DUSP29: variants seen among roughly 807,000 people sequenced by gnomAD.
DUSP29 encodes atypical dual-specific protein phosphatase.
Under a neutral mutation model 13.5 loss-of-function variants are expected in DUSP29, and 12 were observed. The observed-to-expected ratio is 0.89, with a 90% confidence interval of 0.57 to 1.44. DUSP29 has a LOEUF of 1.44. Ranked by LOEUF, DUSP29 falls within the 40% of genes most tolerant of loss-of-function variation. The pLI is 0.00. For missense variants in DUSP29, 308 were observed against 301.1 expected, an observed-to-expected ratio of 1.02 and a Z score of -0.17; for synonymous variants, 134 against 128.7, an observed-to-expected ratio of 1.04 and a Z score of -0.28.
chr10:75,065,875 C>T (rs11001275), intron 1 of DUSP29, among the ~76,000 whole-genome samples: 21,400 of 151,448 alleles, frequency 0.14, 2,253 homozygotes, highest in African/African-American at 0.28. Context: ...TTATTATTAT[C>T]ATTTATTTTA....
chr10:75,064,376 C>CGG, intron 1 of DUSP29, among the ~76,000 whole-genome samples: 1 of 152,072 alleles, frequency 6.6e-6, no homozygotes, highest in Admixed American at 6.6e-5. Context: ...GGTGTGGTGG[C>CGG]GCATGCCTGT....
intron 3 of DUSP29, among the ~76,000 whole-genome samples, chr10:75,039,518 G>A (rs1160539473): frequency 1.3e-5 from 2 of 152,046 alleles, no homozygotes; most frequent in Non-Finnish European, 2.9e-5. Context: ...TGCATCTCAA[G>A]AAAAGGAAAC....
At chr10:75,052,868 C>T (rs1846873916) in intron 2 of DUSP29, among the ~76,000 whole-genome samples, 1 of 152,234 alleles carries the variant, frequency 6.6e-6, no homozygotes, top group African/African-American at 2.4e-5. Context: ...TCTGGCTGCG[C>T]TAGTTATACT....
At chr10:75,060,618 G>A (rs1339998254) in intron 1 of DUSP29, among the ~76,000 whole-genome samples, 7 of 152,074 alleles carry the variant, frequency 4.6e-5, no homozygotes, top group South Asian at 4.1e-4. Context: ...GGGTTGATAC[G>A]GGAAATGTTC....
At chr10:75,046,752 T>A (rs778550075) in intron 2 of DUSP29, among the ~76,000 whole-genome samples, 1 of 152,230 alleles carries the variant, frequency 6.6e-6, no homozygotes, top group African/African-American at 2.4e-5. Context: ...TTTTTCGTCT[T>A]GCCCCAAAGT....
At chr10:75,070,383 C>T (rs576840907) in intron 1 of DUSP29, among the ~76,000 whole-genome samples, 19 of 152,292 alleles carry the variant, frequency 1.2e-4, no homozygotes, top group African/African-American at 4.6e-4. Context: ...TAGAGTGGAG[C>T]ACACAGTCAT....
intron 2 of DUSP29, among the ~76,000 whole-genome samples, chr10:75,055,462 A>T (rs1434058613): frequency 6.7e-6 from 1 of 149,496 alleles, no homozygotes; most frequent in Non-Finnish European, 1.5e-5. Flanking sequence ...GAACCTGGAA[A>T]ACATTATACA....
chr10:75,043,963 C>T lies in DUSP29; in HGVS notation c.255G>A (p.Leu85=). Reference sequence around the variant, plus strand: ...CGTTCCAGCGGCCGTGGGCCGCGTTCAGCACGTGCGTGAACCCCGCCTTCT... The same window carrying T: ...CGTTCCAGCGGCCGTGGGCCGCGTTTAGCACGTGCGTGAACCCCGCCTTCT... ...RLQKAGFTHV[L]NAAHGRWNVD... Residue 85 remains leucine, a synonymous_variant, in exon 3 of 4, where the codon CTG becomes CTA. Coordinates refer to ENST00000338487, the MANE Select transcript of DUSP29 (RefSeq NM_001003892.3). 1.2e-6 allele frequency: 2 copies of T among 1,613,332 alleles called. No homozygotes were observed. The highest frequency in any genetic ancestry group is 1.7e-6 in the Non-Finnish European group (2 of 1,179,930).
At chr10:75,038,623 A>G (rs118073369) in intron 3 of DUSP29, among the ~76,000 whole-genome samples, 3,361 of 151,304 alleles carry the variant, frequency 0.022, 57 homozygotes, top group Non-Finnish European at 0.034. Flanking sequence ...TACTTGAAAC[A>G]GATGAAAGCT....
At chr10:75,053,440 T>C (rs1589862671) in intron 2 of DUSP29, among the ~76,000 whole-genome samples, 1 of 152,268 alleles carries the variant, frequency 6.6e-6, no homozygotes, top group African/African-American at 2.4e-5. Context: ...CAGATACTAC[T>C]CTAGCATTTG....
intron 2 of DUSP29, among the ~76,000 whole-genome samples, chr10:75,045,106 C>T (rs1289460417): frequency 6.6e-6 from 1 of 152,240 alleles, no homozygotes; most frequent in Non-Finnish European, 1.5e-5. Flanking sequence ...CCTATAATCC[C>T]AGCACTTTCG....
At chr10:75,050,799 A>G (rs1836652724) in intron 2 of DUSP29, among the ~76,000 whole-genome samples, 1 of 152,220 alleles carries the variant, frequency 6.6e-6, no homozygotes, top group South Asian at 2.1e-4. Flanking sequence ...CCCGAACCCC[A>G]GGAATATCTG....
At chr10:75,052,474 T>A (rs1846857123) in intron 2 of DUSP29, among the ~76,000 whole-genome samples, 1 of 151,692 alleles carries the variant, frequency 6.6e-6, no homozygotes, top group Non-Finnish European at 1.5e-5. Context: ...GCCAGGCTAA[T>A]TTTTTTGTAT....
At chr10:75,052,925 A>G (rs933563381) in intron 2 of DUSP29, among the ~76,000 whole-genome samples, 4 of 152,216 alleles carry the variant, frequency 2.6e-5, no homozygotes, top group African/African-American at 9.6e-5. Context: ...TGCTTTTGCC[A>G]GTGAAATGTG....
chr10:75,040,981 TA>T (rs985774082), intron 3 of DUSP29, among the ~76,000 whole-genome samples: 2 of 151,954 alleles, frequency 1.3e-5, no homozygotes, highest in African/African-American at 4.8e-5. Flanking sequence ...AGAAGCCAGG[TA>T]GGGGGAATGG....
rs189612610 is a variant in DUSP29 at position 75,041,487 on chromosome 10, G to A, written c.421+2310C>T. 7.9e-5 allele frequency among the ~76,000 whole-genome samples: 12 copies of A among 152,258 alleles called. No homozygotes were observed. The East Asian group carries it at 2.3e-3, about 29-fold the overall frequency. On this transcript the variant is annotated intron_variant, in intron 3 of 3. Coordinates refer to ENST00000338487, the MANE Select transcript of DUSP29 (RefSeq NM_001003892.3). ...TGGGTGGCAGGTGCCCCTCTGAAGGGGTACAGGGCTCTCTGCTTAGCCACA... is the reference window on the plus strand; with the variant it reads ...TGGGTGGCAGGTGCCCCTCTGAAGGAGTACAGGGCTCTCTGCTTAGCCACA...
intron 1 of DUSP29, among the ~76,000 whole-genome samples, chr10:75,068,380 G>C (rs1258225708): frequency 6.6e-6 from 1 of 152,202 alleles, no homozygotes; most frequent in African/African-American, 2.4e-5. Flanking sequence ...GGGAGGCTGA[G>C]GTGGGAGGAT....
chr10:75,041,444 A>G (rs1846581323), intron 3 of DUSP29, among the ~76,000 whole-genome samples: 1 of 152,170 alleles, frequency 6.6e-6, no homozygotes, highest in Non-Finnish European at 1.5e-5. Context: ...CTCTCACAAG[A>G]CAAGCATTAG....
chr10:75,073,205 C>T (rs1202223242), intron 1 of DUSP29, among the ~76,000 whole-genome samples: 2 of 152,104 alleles, frequency 1.3e-5, no homozygotes, highest in African/African-American at 4.8e-5. Flanking sequence ...CTCTCTCTCT[C>T]GCCCCCGAGA....
Sources: gnomAD v4.1 joint callset for allele counts (sites outside exome capture counted in the v4.1 genomes callset) on GRCh38, gnomAD v4.1.1 for gene constraint, MANE v1.5 for transcripts, NCBI Gene and HGNC (gene_info 2026-07-23, HGNC 2026-07-21) for gene names.